Variants in ANK2 observed in about 807,000 individuals in gnomAD.
The protein encoded by ANK2 is ankyrin 2.
In ANK2, 83 loss-of-function variants were observed where a neutral mutation model predicts 360.5. The observed-to-expected ratio is 0.23, with a 90% CI of 0.19 to 0.28. The LOEUF (loss-of-function observed/expected upper bound fraction) is 0.28. Among genes scored for constraint, ANK2 ranks in the 10% least tolerant of loss-of-function variants. ANK2 has a pLI of 1.00. For missense variants in ANK2, 4,201 were observed against 4,795.7 expected (o/e 0.88, Z 3.66); for synonymous variants, 1,740 against 1,759.5 (o/e 0.99, Z 0.28).
intron 1 of ANK2, among the ~76,000 whole-genome samples, chr4:112,863,586 G>C (rs540214421): frequency 7.7e-4 from 110 of 143,470 alleles, no homozygotes; most frequent in African/African-American, 2.8e-3. Context: ...GCAGTGGCGC[G>C]ATCTCGGCTC....
In ANK2 at chr4:113,070,625, A is replaced by T. The variant is rs1221106187; in HGVS notation, c.84+20813A>T. On this transcript the variant is annotated intron_variant, in intron 1 of 45. Transcript: ENST00000357077. ...TTTGCCCTACAAGTCTTATCAGTATAACTTTGGAACCAACCAATCCAACAC... is the reference window on the plus strand; with the variant it reads ...TTTGCCCTACAAGTCTTATCAGTATTACTTTGGAACCAACCAATCCAACAC... Among the ~76,000 whole-genome samples the T allele has an allele frequency of 2.6e-5, 4 of 152,194 alleles. No individual in the cohort carries two copies. In the South Asian group the frequency reaches 8.3e-4, roughly 32 times the overall value.
intron 1 of ANK2, among the ~76,000 whole-genome samples, chr4:112,894,180 A>G (rs1434499913): frequency 6.6e-6 from 1 of 152,056 alleles, no homozygotes; most frequent in Non-Finnish European, 1.5e-5. Context: ...AAAAAATCAA[A>G]TTCTCTCATT....
intron 21 of ANK2, 54 bp from the exon 22 acceptor site, chr4:113,293,386 A>G (rs906506293): frequency 6.7e-7 from 1 of 1,502,324 alleles, no homozygotes; most frequent in Non-Finnish European, 9.2e-7. Context: ...TCATTGGCTC[A>G]CATCGCAGTC....
chr4:112,760,990 G>C, the ANK2 span, among the ~76,000 whole-genome samples: 1 of 151,604 alleles, frequency 6.6e-6, no homozygotes, highest in Non-Finnish European at 1.5e-5. Context: ...TATTTTATTA[G>C]TAGAGACAGG....
At chr4:113,328,562 C>T (rs2091250924) in intron 26 of ANK2, among the ~76,000 whole-genome samples, 1 of 152,152 alleles carries the variant, frequency 6.6e-6, no homozygotes, top group African/African-American at 2.4e-5. Flanking sequence ...AATATTTTCT[C>T]ATTATGTTTT....
intron 24 of ANK2, among the ~76,000 whole-genome samples, chr4:113,315,584 A>G (rs571983458): frequency 7.2e-5 from 11 of 152,184 alleles, no homozygotes; most frequent in Non-Finnish European, 1.6e-4. Context: ...AAAACAAAAT[A>G]AAGGTGAATA....
intron 1 of ANK2, among the ~76,000 whole-genome samples, chr4:113,080,426 A>G (rs1369165830): frequency 1.3e-5 from 2 of 152,186 alleles, no homozygotes; most frequent in African/African-American, 2.4e-5. Flanking sequence ...ATCATTTCAC[A>G]ACCTGTATTT....
chr4:113,025,839 T>A (rs1444662233), intron 2 of ANK2, among the ~76,000 whole-genome samples: 1 of 152,166 alleles, frequency 6.6e-6, no homozygotes, highest in African/African-American at 2.4e-5. Flanking sequence ...GTATAACTAA[T>A]GTGGAGGAAT....
At chr4:113,116,912 G>C (rs1451453954) in intron 1 of ANK2, 1 of 229,904 alleles carries the variant, frequency 4.3e-6, no homozygotes, top group African/African-American at 2.3e-5. Flanking sequence ...TCTAAGGATG[G>C]CTTTTTCAAC....
chr4:113,283,775 A>G (rs29329), intron 18 of ANK2, among the ~76,000 whole-genome samples: 75,809 of 151,980 alleles, frequency 0.5, 19,744 homozygotes, highest in South Asian at 0.61. Context: ...TGCTTTTTGT[A>G]ATACATTATA....
chr4:112,738,790 G>A, the ANK2 span: 1 of 622,888 alleles, frequency 1.6e-6, no homozygotes, highest in Non-Finnish European at 3.0e-6. Context: ...AAACCCAGAG[G>A]TATTGACAAC....
At chr4:112,871,680 C>T (rs892242815) in intron 1 of ANK2, among the ~76,000 whole-genome samples, 1 of 152,148 alleles carries the variant, frequency 6.6e-6, no homozygotes. Context: ...CTTCTTTTCT[C>T]TTTTTTGAAA....
At chr4:112,928,358 T>C (rs954126917) in intron 2 of ANK2, among the ~76,000 whole-genome samples, 27 of 151,700 alleles carry the variant, frequency 1.8e-4, no homozygotes, top group African/African-American at 6.6e-4. Flanking sequence ...AATAGTATGA[T>C]ACTGTGGTAT....
chr4:113,117,156 C>T (rs2094886071), intron 1 of ANK2: 3 of 385,076 alleles, frequency 7.8e-6, no homozygotes, highest in South Asian at 4.0e-5. Flanking sequence ...AGTGGATTAT[C>T]TTGTGAGTGT....
intron 2 of ANK2, among the ~76,000 whole-genome samples, chr4:112,917,492 A>AG (rs532202551): frequency 9.9e-4 from 151 of 152,380 alleles, no homozygotes; most frequent in African/African-American, 3.5e-3. Flanking sequence ...AAAGAAAAAA[A>AG]GTGGAGCTCA....
chr4:112,812,955 A>G, the ANK2 span, among the ~76,000 whole-genome samples: 1 of 152,138 alleles, frequency 6.6e-6, no homozygotes, highest in Non-Finnish European at 1.5e-5. Context: ...AAATCTGGTC[A>G]TCGGCTGGGC....
chr4:112,928,099 A>C (rs906704406), intron 2 of ANK2, among the ~76,000 whole-genome samples: 1 of 152,218 alleles, frequency 6.6e-6, no homozygotes, highest in Non-Finnish European at 1.5e-5. Context: ...ACCAAAGAGT[A>C]AAATCATCTG....
chr4:113,169,754 T>A (rs996490076), intron 1 of ANK2, among the ~76,000 whole-genome samples: 1 of 152,190 alleles, frequency 6.6e-6, no homozygotes, highest in Non-Finnish European at 1.5e-5. Context: ...ATTATAGTGT[T>A]AAGTATTAAA....
intron 1 of ANK2, among the ~76,000 whole-genome samples, chr4:113,064,462 G>A (rs1208488822): frequency 2.6e-5 from 4 of 152,078 alleles, no homozygotes; most frequent in Admixed American, 2.6e-4. Flanking sequence ...TAAGGAGGAG[G>A]GGCTCTGCAT....
Sources: allele counts gnomAD v4.1 joint callset (sites outside exome capture counted in the v4.1 genomes callset), GRCh38; gene constraint gnomAD v4.1.1; transcripts MANE v1.5; gene names NCBI Gene and HGNC (gene_info 2026-07-23, HGNC 2026-07-21).